The following TMOD1 variants were observed in gnomAD, a reference collection of about 807,000 sequenced individuals.
TMOD1 encodes the protein tropomodulin 1.
TMOD1 carries 17 observed loss-of-function variants against 40.6 expected under a neutral mutation model. That is an observed-to-expected ratio of 0.42 (90% CI 0.29 to 0.63). The LOEUF is 0.63. Among genes scored for constraint, TMOD1 ranks in the 20% least tolerant of loss-of-function variants. TMOD1 has a pLI of 0.22. For synonymous variants in TMOD1, 181 were observed against 175.0 expected (o/e 1.03, Z -0.27); for missense variants, 391 against 447.6 (o/e 0.87, Z 1.14).
intron 8 of TMOD1, among the ~76,000 whole-genome samples, chr9:97,584,643 T>C (rs1825829071): frequency 6.6e-6 from 1 of 152,210 alleles, no homozygotes; most frequent in Non-Finnish European, 1.5e-5. Context: ...TCTAAGTCTC[T>C]CTGTAGGTCA....
intron 9 of TMOD1, among the ~76,000 whole-genome samples, chr9:97,596,075 AAAAAG>A (rs1826104300): frequency 6.6e-6 from 1 of 152,004 alleles, no homozygotes; most frequent in African/African-American, 2.4e-5. Flanking sequence ...CCATCAAAAA[AAAAAG>A]AAGAAGAAAA....
chr9:97,543,019 A>T (rs1169907033), intron 2 of TMOD1, among the ~76,000 whole-genome samples: 1 of 152,234 alleles, frequency 6.6e-6, no homozygotes, highest in African/African-American at 2.4e-5. Flanking sequence ...GGAAGTGTCC[A>T]GCCCAGAATG....
intron 8 of TMOD1, among the ~76,000 whole-genome samples, chr9:97,581,456 C>T (rs1377476282): frequency 1.3e-5 from 2 of 152,000 alleles, no homozygotes; most frequent in East Asian, 1.9e-4. Context: ...AATAAACATA[C>T]GTGTGCAGGT....
chr9:97,541,076 A>G (rs1830268907), intron 2 of TMOD1, among the ~76,000 whole-genome samples: 1 of 152,068 alleles, frequency 6.6e-6, no homozygotes, highest in South Asian at 2.1e-4. Flanking sequence ...TTTGATTTGC[A>G]TTTCCCTAAT....
chr9:97,601,676 C>A lies in TMOD1; in HGVS notation c.*1978C>A. ...CATAGTGTCTGTTGCAACTATTCAA[C>A]TCTGCCATAGATCATGTGTAAAGGA... On this transcript the variant is annotated 3_prime_UTR_variant, in exon 10 of 10. Coordinates refer to ENST00000259365, the MANE Select transcript of TMOD1 (RefSeq NM_003275.4). 1.5e-6 allele frequency: 1 copy of A among 655,952 alleles called. No individual in the cohort carries two copies. Among genetic ancestry groups the A allele is most frequent in the Non-Finnish European group, 1.9e-6 (1 of 528,380 alleles). The allele number at this position is 655,952 out of a possible 1,614,324, so 40.6% of individuals were successfully genotyped here. A position where few individuals can be genotyped will look rare whatever the true frequency, so the allele number is the denominator to read the frequency against.
intron 2 of TMOD1, among the ~76,000 whole-genome samples, chr9:97,536,047 A>T (rs1268129849): frequency 6.6e-6 from 1 of 151,932 alleles, no homozygotes; most frequent in African/African-American, 2.4e-5. Context: ...GAGTTGGCTC[A>T]CCCCGCTGCC....
At chr9:97,555,351 C>T in intron 4 of TMOD1, 2 of 1,215,196 alleles carry the variant, frequency 1.6e-6, no homozygotes, top group Non-Finnish European at 2.1e-6. Context: ...TGGACTTTCT[C>T]CTCCAATCAC....
intron 2 of TMOD1, among the ~76,000 whole-genome samples, chr9:97,527,386 C>T (rs1321092175): frequency 1.3e-5 from 2 of 152,210 alleles, no homozygotes; most frequent in Non-Finnish European, 2.9e-5. Flanking sequence ...GGTGGGGACA[C>T]AGGCATAATA....
At chr9:97,514,565 C>T (rs953656851) in intron 1 of TMOD1, among the ~76,000 whole-genome samples, 1 of 152,160 alleles carries the variant, frequency 6.6e-6, no homozygotes, top group Non-Finnish European at 1.5e-5. Flanking sequence ...GACTAGAGCT[C>T]CCTCGCCCCT....
Position 97,557,194 on chromosome 9 carries a change from T to G in TMOD1, c.397+3794T>G, listed in dbSNP as rs1421850041. Among the ~76,000 whole-genome samples, 3 of 152,136 alleles carry G rather than the reference T, an allele frequency of 2.0e-5. No individual in the cohort carries two copies. The highest frequency in any genetic ancestry group is 4.4e-5 in the Non-Finnish European group (3 of 68,006). ...TCTTTTATCACTTCAACATGTAGAT[T>G]TCAACATTAAAAGCGTCCCTGCTGG... On this transcript the variant is annotated intron_variant, in intron 4 of 9. Coordinates refer to ENST00000259365, the MANE Select transcript of TMOD1 (RefSeq NM_003275.4). The surrounding 1 kb of genome is among the most constrained non-coding windows in gnomAD (Gnocchi z 4.4).
intron 8 of TMOD1, among the ~76,000 whole-genome samples, chr9:97,584,644 C>T (rs1825829138): frequency 6.6e-6 from 1 of 152,134 alleles, no homozygotes; most frequent in Non-Finnish European, 1.5e-5. Context: ...CTAAGTCTCT[C>T]TGTAGGTCAC....
chr9:97,522,955 G>A (rs749731292), intron 1 of TMOD1, among the ~76,000 whole-genome samples: 5 of 152,142 alleles, frequency 3.3e-5, no homozygotes, highest in East Asian at 1.9e-4. Context: ...AATAGCGCTC[G>A]AGGTCCTGCT....
chr9:97,557,330 G>A lies in TMOD1; in HGVS notation c.397+3930G>A, dbSNP rs375957650. ...TCAGCAAGCACTTGTAATTCGCAGT[G>A]CCTCCCCTGCCCACTCAGGGAGGTG... On this transcript the variant is annotated intron_variant, in intron 4 of 9. Coordinates refer to ENST00000259365, the MANE Select transcript of TMOD1 (RefSeq NM_003275.4). The surrounding 1 kb of genome is among the most constrained non-coding windows in gnomAD (Gnocchi z 4.4). Among the ~76,000 whole-genome samples the A allele has an allele frequency of 3.3e-5, 5 of 152,248 alleles. No homozygotes were observed. Among genetic ancestry groups the A allele is most frequent in the African/African-American group, 1.2e-4 (5 of 41,544 alleles).
intron 2 of TMOD1, among the ~76,000 whole-genome samples, chr9:97,540,768 A>G (rs746942431): frequency 6.6e-6 from 1 of 152,168 alleles, no homozygotes; most frequent in South Asian, 2.1e-4. Context: ...TGTCTTATCC[A>G]TTCATTAGCT....
intron 6 of TMOD1, among the ~76,000 whole-genome samples, chr9:97,564,844 G>A (rs1830702280): frequency 6.6e-6 from 1 of 151,690 alleles, no homozygotes; most frequent in Non-Finnish European, 1.5e-5. Context: ...GAGACCAGTG[G>A]ATTAGTTCTG....
chr9:97,556,381 G>C (rs1314130130), intron 4 of TMOD1, among the ~76,000 whole-genome samples: 1 of 152,204 alleles, frequency 6.6e-6, no homozygotes, highest in Non-Finnish European at 1.5e-5. Flanking sequence ...TGTTGGAGGT[G>C]CTGGGCGGAG....
At chr9:97,572,038 CCAGA>C (rs1830827461) in intron 8 of TMOD1, among the ~76,000 whole-genome samples, 2 of 152,156 alleles carry the variant, frequency 1.3e-5, no homozygotes, top group Admixed American at 1.3e-4. Context: ...GCTCCAGCAG[CCAGA>C]CAGTGGGCTG....
rs1587971070 is a variant in TMOD1, at chr9:97,599,739, C to G, written c.*41C>G. ...TCCATGCCTTTGAACTGGATGTGTT[C>G]TATTGATGACCTGTGCTCTGCAGGG... is the stretch of plus-strand genomic sequence containing the variant. On this transcript the variant is annotated 3_prime_UTR_variant, in exon 10 of 10. Transcript: ENST00000259365. The G allele has an allele frequency of 6.2e-7, 1 of 1,613,670 alleles. No individual in the cohort carries two copies. Among genetic ancestry groups the G allele is most frequent in the African/African-American group, 1.3e-5 (1 of 75,020 alleles).
Position 97,599,692 on chromosome 9 carries a change from T to C in TMOD1, c.1074T>C (p.Gly358=). The change falls in exon 10 of 10, where the codon GGT becomes GGC. Residue 358 remains glycine, a synonymous_variant. Coordinates refer to ENST00000259365, the MANE Select transcript of TMOD1 (RefSeq NM_003275.4). ...TGPIIPKCRS[G]V ...CCATCATTCCCAAGTGCCGGAGTGG[T>C]GTCTAGTGTGTGGCGGTGGAGTCCA... The C allele has an allele frequency of 6.2e-7, 1 of 1,614,076 alleles. No individual in the cohort carries two copies. The highest frequency in any genetic ancestry group is 2.2e-5 in the East Asian group (1 of 44,886).
Sources: allele counts gnomAD v4.1 joint callset (sites outside exome capture counted in the v4.1 genomes callset), GRCh38; gene constraint gnomAD v4.1.1; non-coding constraint Gnocchi (gnomAD v3.1); transcripts MANE v1.5; gene names NCBI Gene and HGNC (gene_info 2026-07-23, HGNC 2026-07-21).